ABHD12: variants seen among roughly 807,000 people sequenced by gnomAD.
ABHD12 encodes the protein lysophosphatidylserine lipase ABHD12.
ABHD12 carries 43 observed loss-of-function variants against 58.3 expected under a neutral mutation model. The observed-to-expected ratio is 0.74, with a 90% CI of 0.58 to 0.95. The LOEUF (loss-of-function observed/expected upper bound fraction) is 0.95. Among genes scored for constraint, ABHD12 ranks in the 40% least tolerant of loss-of-function variants. The pLI is 0.00. For missense variants in ABHD12, 539 were observed against 537.2 expected (o/e 1.00, Z -0.03); for synonymous variants, 219 against 211.2 (o/e 1.04, Z -0.32).
At chr20:25,313,098 T>C (rs1342297586) in intron 6 of ABHD12, among the ~76,000 whole-genome samples, 2 of 151,480 alleles carry the variant, frequency 1.3e-5, no homozygotes, top group African/African-American at 2.5e-5. Context: ...CAACAGCTCA[T>C]TGAGAACGGG....
intron 1 of ABHD12, among the ~76,000 whole-genome samples, chr20:25,386,656 AG>A (rs1176786897): frequency 1.3e-5 from 2 of 152,022 alleles, no homozygotes; most frequent in Non-Finnish European, 2.9e-5. Context: ...TGAGGCAGGC[AG>A]ATTATCTGAG....
chr20:25,366,932 A>G (rs1001708748), intron 1 of ABHD12, among the ~76,000 whole-genome samples: 6 of 152,154 alleles, frequency 3.9e-5, no homozygotes. Context: ...CTTTTTCCAG[A>G]GGCTCATGGC....
chr20:25,354,377 A>G (rs1411706991), intron 1 of ABHD12, among the ~76,000 whole-genome samples: 1 of 152,162 alleles, frequency 6.6e-6, no homozygotes, highest in Non-Finnish European at 1.5e-5. Context: ...GCAGGGAGGC[A>G]GGGAGGGGGT....
rs912515291 is a variant in ABHD12, at chr20:25,303,683, G to C, written c.951-55C>G. The C allele has an allele frequency of 3.7e-6, 6 of 1,608,392 alleles. No individual in the cohort carries two copies. The African/African-American group carries it at 6.7e-5, about 18-fold the overall frequency. On this transcript the variant is annotated intron_variant, in intron 10 of 12. Transcript: ENST00000339157. ...ACCAGGGAAAGGGCAGAGTTGCCCA[G>C]ACCCTCTGTCCATGGCAGGGATCTG... is the stretch of plus-strand genomic sequence containing the variant.
intron 1 of ABHD12, among the ~76,000 whole-genome samples, chr20:25,372,046 G>T (rs996797545): frequency 3.9e-5 from 6 of 152,018 alleles, no homozygotes; most frequent in Admixed American, 3.9e-4. Flanking sequence ...CTGTCACCTA[G>T]GCTGGAGTGC....
exon 13 of ABHD12, chr20:25,294,817 T>A: frequency 1.3e-6 from 1 of 778,020 alleles, no homozygotes; most frequent in Non-Finnish European, 2.3e-6. Flanking sequence ...GTTACAGACT[T>A]TGTAAGGTTT....
intron 10 of ABHD12, among the ~76,000 whole-genome samples, chr20:25,306,489 C>G (rs1194328338): frequency 6.6e-6 from 1 of 152,156 alleles, no homozygotes; most frequent in African/African-American, 2.4e-5. Context: ...GGTGATCCTC[C>G]TAACTCAGCC....
At chr20:25,322,792 A>T (rs965716068) in intron 3 of ABHD12, among the ~76,000 whole-genome samples, 9 of 152,144 alleles carry the variant, frequency 5.9e-5, no homozygotes, top group African/African-American at 1.7e-4. Context: ...GCGTGAACTC[A>T]GCTCACTGCA....
chr20:25,303,601 G>T lies in ABHD12; in HGVS notation c.978C>A (p.Leu326=). 1 of 1,613,874 alleles carries T rather than the reference G, an allele frequency of 6.2e-7. No homozygotes were observed. Residue 326 remains leucine, a synonymous_variant, in exon 11 of 13, where the codon CTC becomes CTA. Transcript: ENST00000339157. ...ENVKHISCPL[L]ILHAEDDPVV... ...CCGGGTCGTCCTCAGCGTGCAGGAT[G>T]AGCAGGGGACAGGAGATGTGCTTCA...
intron 1 of ABHD12, among the ~76,000 whole-genome samples, chr20:25,341,626 A>G (rs2089455585): frequency 6.6e-6 from 1 of 152,156 alleles, no homozygotes; most frequent in Non-Finnish European, 1.5e-5. Context: ...ACAGTAACAC[A>G]TGTAGACTGC....
At position 25,349,684 on chromosome 20, in the gene ABHD12, C is replaced by T. The variant is rs115832185; in HGVS notation, c.192-10333G>A. ...TATATGATTCCATTTATGTGATGTA[C>T]CTAGAATAGGCAAATTCATACAGAC... is the stretch of plus-strand genomic sequence containing the variant. On this transcript the variant is annotated intron_variant, in intron 1 of 12. Transcript: ENST00000339157. 3.2e-3 allele frequency among the ~76,000 whole-genome samples: 492 copies of T among 152,174 alleles called. 5 individuals carry two copies. Among genetic ancestry groups the T allele is most frequent in the African/African-American group, 0.012 (483 of 41,494 alleles).
chr20:25,368,727 G>T, intron 1 of ABHD12: 2 of 1,187,084 alleles, frequency 1.7e-6, no homozygotes. Context: ...CCAAGGGCTT[G>T]CCTTCGTCAG....
chr20:25,301,067 G>A (rs1269534612), intron 12 of ABHD12, among the ~76,000 whole-genome samples, 183 bp from the exon 13 acceptor site: 1 of 152,222 alleles, frequency 6.6e-6, no homozygotes, highest in Non-Finnish European at 1.5e-5. Context: ...CAAGCAGTGT[G>A]GTGCCAAGTC....
At chr20:25,383,714 G>A (rs1362720357) in intron 1 of ABHD12, among the ~76,000 whole-genome samples, 1 of 152,130 alleles carries the variant, frequency 6.6e-6, no homozygotes, top group East Asian at 1.9e-4. Flanking sequence ...CCAGTACTTT[G>A]GGAGGCCAAG....
chr20:25,318,000 G>C (rs1163502237), intron 4 of ABHD12, among the ~76,000 whole-genome samples: 2 of 152,198 alleles, frequency 1.3e-5, no homozygotes, highest in Non-Finnish European at 2.9e-5. Flanking sequence ...AGATGGAGGA[G>C]GAAGCCAATA....
intron 1 of ABHD12, among the ~76,000 whole-genome samples, chr20:25,376,006 C>T (rs2089958287): frequency 6.6e-6 from 1 of 151,922 alleles, no homozygotes; most frequent in South Asian, 2.1e-4. Context: ...GCCTGTAGTC[C>T]CAGCCACTTG....
intron 2 of ABHD12, among the ~76,000 whole-genome samples, chr20:25,331,859 A>T (rs2089282404): frequency 6.6e-6 from 1 of 152,214 alleles, no homozygotes; most frequent in African/African-American, 2.4e-5. Flanking sequence ...TCATGCCAAA[A>T]TGTAAAGACC....
chr20:25,339,500 C>T, intron 1 of ABHD12, 149 bp from the exon 2 acceptor site: 1 of 1,394,882 alleles, frequency 7.2e-7, no homozygotes. Flanking sequence ...AGCCTCCCAC[C>T]TGCCTTCACT....
intron 1 of ABHD12, among the ~76,000 whole-genome samples, chr20:25,348,579 C>G (rs2089552986): frequency 6.6e-6 from 1 of 151,932 alleles, no homozygotes; most frequent in Non-Finnish European, 1.5e-5. Flanking sequence ...TGTGACTGAG[C>G]CTGTGACTAG....
Sources: gnomAD v4.1 joint callset for allele counts (sites outside exome capture counted in the v4.1 genomes callset) on GRCh38, gnomAD v4.1.1 for gene constraint, MANE v1.5 for transcripts, NCBI Gene and HGNC (gene_info 2026-07-23, HGNC 2026-07-21) for gene names.